The following SCARB2 variants were observed in gnomAD, a reference collection of about 807,000 sequenced individuals.
SCARB2 encodes lysosome membrane protein 2.
In SCARB2, 29 loss-of-function variants were observed where a neutral mutation model predicts 58.6. The observed-to-expected ratio is 0.49, with a 90% CI of 0.37 to 0.67. The LOEUF is 0.67. Among genes scored for constraint, SCARB2 ranks in the 30% least tolerant of loss-of-function variants. SCARB2 has a pLI of 0.00. For missense variants in SCARB2, 488 were observed against 578.5 expected (o/e 0.84, Z 1.60); for synonymous variants, 195 against 210.1 (o/e 0.93, Z 0.62).
At chr4:76,171,574 G>A (rs1020231108) in intron 7 of SCARB2, among the ~76,000 whole-genome samples, 2 of 152,212 alleles carry the variant, frequency 1.3e-5, no homozygotes, top group African/African-American at 4.8e-5. Flanking sequence ...GAAAAGGATT[G>A]TAGCAAGAAG....
rs1732185719 is a variant in SCARB2 at position 76,173,852 on chromosome 4, T to C, written c.994+292A>G. The C allele has an allele frequency of 1.1e-5, 4 of 368,198 alleles. No individual in the cohort carries two copies. In the South Asian group the frequency reaches 1.2e-4, roughly 11 times the overall value. 22.8% of individuals were successfully genotyped at this position (368,198 alleles called of 1,614,324 possible). ...CATCACAGAAAAGCCATGATTTTTT[T>C]TTACCATTCAATAGCCATGTTATGA... On this transcript the variant is annotated intron_variant, in intron 7 of 11. Coordinates refer to ENST00000264896, the MANE Select transcript of SCARB2 (RefSeq NM_005506.4).
Position 76,174,300 on chromosome 4 carries a change from T to G in SCARB2, c.838A>C (p.Thr280Pro). The G allele has an allele frequency of 6.2e-7, 1 of 1,614,124 alleles. No individual in the cohort carries two copies. Among genetic ancestry groups the G allele is most frequent in the Non-Finnish European group, 8.5e-7 (1 of 1,179,970 alleles). ...PSDFCRSVYITFSDYESVQGL... is the reference protein window; with the variant it reads ...PSDFCRSVYIPFSDYESVQGL... Reference sequence around the variant, plus strand: ...TGTACACTCTCATAGTCACTGAAAGTAATATACACTGACCTGTTAGGATGT... The same window carrying G: ...TGTACACTCTCATAGTCACTGAAAGGAATATACACTGACCTGTTAGGATGT... The change falls in exon 7 of 12, where the codon ACT becomes CCT. Residue 280 changes from threonine (T) to proline (P), a missense_variant. By Grantham distance (38) the Thr-to-Pro change is conservative. Coordinates refer to ENST00000264896, the MANE Select transcript of SCARB2 (RefSeq NM_005506.4).
intron 1 of SCARB2, among the ~76,000 whole-genome samples, chr4:76,207,678 G>A (rs1356892538): frequency 6.6e-6 from 1 of 152,188 alleles, no homozygotes; most frequent in African/African-American, 2.4e-5. Flanking sequence ...GATATGGCCA[G>A]GAATGTCTAG....
intron 1 of SCARB2, among the ~76,000 whole-genome samples, chr4:76,206,841 T>C (rs1197370858): frequency 6.6e-6 from 1 of 152,000 alleles, no homozygotes; most frequent in Non-Finnish European, 1.5e-5. Context: ...CAAGAGATTG[T>C]GGAACTGGAA....
At chr4:76,164,881 T>A (rs1198650573) in intron 10 of SCARB2, 1 of 151,988 alleles carries the variant, frequency 6.6e-6, no homozygotes, top group Non-Finnish European at 1.5e-5. Context: ...AATAACTGGA[T>A]AGAGTTTCCT....
intron 11 of SCARB2, chr4:76,162,014 T>G (rs1250301153): frequency 1.8e-6 from 1 of 541,408 alleles, no homozygotes; most frequent in Non-Finnish European, 3.3e-6. Context: ...TTATAAAACT[T>G]AGACTCTATT....
At position 76,163,157 on chromosome 4, in the gene SCARB2, T is replaced by G. The variant is rs1731932847; in HGVS notation, c.1398+68A>C. The G allele has an allele frequency of 1.9e-6, 3 of 1,591,226 alleles. No homozygotes were observed. The East Asian group carries it at 6.7e-5, about 36-fold the overall frequency. On this transcript the variant is annotated intron_variant, in intron 11 of 11. Transcript: ENST00000264896. ...AATAAGCCAGCTGACAGCCCTTCAG[T>G]GAAGTACAGTTGAATTCCTCAGGTA...
At chr4:76,227,000 T>TTTTGTTTG (rs56371323) in intron 1 of SCARB2, among the ~76,000 whole-genome samples, 4 of 151,398 alleles carry the variant, frequency 2.6e-5, no homozygotes, top group South Asian at 2.1e-4. Context: ...GTCTTTCGAA[T>TTTTGTTTG]TTTGTTTGTT....
chr4:76,172,500 G>A (rs1343460028), intron 7 of SCARB2, among the ~76,000 whole-genome samples: 1 of 151,944 alleles, frequency 6.6e-6, no homozygotes, highest in Non-Finnish European at 1.5e-5. Flanking sequence ...TGAGCCTCCT[G>A]CTTCAGCCTC....
intron 4 of SCARB2, chr4:76,177,210 A>G (rs1192059910): frequency 6.6e-6 from 1 of 152,188 alleles, no homozygotes; most frequent in African/African-American, 2.4e-5. Flanking sequence ...ATTTGAAGAG[A>G]CATTTCTGAA....
chr4:76,167,271 T>C (rs949205136), intron 9 of SCARB2, among the ~76,000 whole-genome samples: 1 of 152,168 alleles, frequency 6.6e-6, no homozygotes, highest in African/African-American at 2.4e-5. Context: ...CTGAGTGATA[T>C]AGTTTGGATA....
exon 1 of SCARB2, chr4:76,234,322 T>TG (rs1733545951): frequency 6.6e-6 from 1 of 152,632 alleles, no homozygotes; most frequent in Admixed American, 6.5e-5. Context: ...AGCCCCATGT[T>TG]GGGGGTCAAA....
chr4:76,211,640 A>G (rs1245085789), intron 1 of SCARB2, among the ~76,000 whole-genome samples: 1 of 152,232 alleles, frequency 6.6e-6, no homozygotes, highest in Non-Finnish European at 1.5e-5. Flanking sequence ...GAGCTGGGAC[A>G]TAGTGGAAGC....
In SCARB2 at chr4:76,174,174, C is replaced by T. The variant is rs377508475; in HGVS notation, c.964G>A (p.Gly322Arg). ...CIPEGNCLGS[G>R]VLNVSICKNG... ...TTGCAGATGCTGACATTCAGAACTC[C>T]TGAGCCCAGGCAGTTTCCCTCAGGT... The change falls in exon 7 of 12, where the codon GGA becomes AGA. Residue 322 changes from glycine to arginine, a missense_variant. Gly to Arg is a moderately radical substitution (Grantham distance 125). Transcript: ENST00000264896. The T allele has an allele frequency of 6.2e-7, 1 of 1,614,098 alleles. No homozygotes were observed. Among genetic ancestry groups the T allele is most frequent in the Non-Finnish European group, 8.5e-7 (1 of 1,180,028 alleles).
chr4:76,219,113 A>T (rs1395029128), intron 1 of SCARB2, among the ~76,000 whole-genome samples: 1 of 152,202 alleles, frequency 6.6e-6, no homozygotes. Context: ...TTCTGGCCTC[A>T]TGCTTATTAA....
intron 1 of SCARB2, among the ~76,000 whole-genome samples, chr4:76,204,005 A>G (rs570294217): frequency 7.2e-5 from 11 of 152,334 alleles, no homozygotes; most frequent in Admixed American, 7.2e-4. Context: ...CAACTTAAGC[A>G]TCCATGTTGC....
intron 1 of SCARB2, among the ~76,000 whole-genome samples, chr4:76,208,816 A>G (rs567622953): frequency 2.6e-4 from 40 of 152,326 alleles, no homozygotes; most frequent in African/African-American, 9.4e-4. Context: ...AGCGGGATAC[A>G]TTGTGGTCTG....
chr4:76,191,938 T>C (rs1244569138), intron 2 of SCARB2: 1 of 152,260 alleles, frequency 6.6e-6, no homozygotes, highest in Non-Finnish European at 1.5e-5. Context: ...GCCAGGCTAA[T>C]CTTTGTATGT....
At chr4:76,224,844 C>A (rs1298551860) in intron 1 of SCARB2, among the ~76,000 whole-genome samples, 2 of 151,954 alleles carry the variant, frequency 1.3e-5, no homozygotes, top group African/African-American at 4.8e-5. Context: ...TTTTGGTGCA[C>A]ACATCACCCA....
Sources: allele counts gnomAD v4.1 joint callset (sites outside exome capture counted in the v4.1 genomes callset), GRCh38; gene constraint gnomAD v4.1.1; transcripts MANE v1.5; gene names NCBI Gene and HGNC (gene_info 2026-07-23, HGNC 2026-07-21).